Variants in USP32 observed in about 807,000 individuals in gnomAD.
USP32 encodes ubiquitin specific peptidase 32, also known as ubiquitin carboxyl-terminal hydrolase 32.
In USP32, 59 loss-of-function variants were observed where a neutral mutation model predicts 204.8. The ratio of observed to expected loss-of-function variants is 0.29; its 90% CI spans 0.23 to 0.36. USP32 has a LOEUF of 0.36. Ranked by LOEUF, USP32 falls within the 10% of genes least tolerant of loss-of-function variation. The probability of loss-of-function intolerance (pLI) is 1.00; values close to 1 mark genes in which losing one functional copy is unlikely to be tolerated. For synonymous variants in USP32, 517 were observed against 678.4 expected (o/e 0.76, Z 3.70); for missense variants, 1,160 against 1,946.4 (o/e 0.60, Z 7.60).
At chr17:60,217,782 G>A (rs914066862) in intron 16 of USP32, among the ~76,000 whole-genome samples, 1 of 151,752 alleles carries the variant, frequency 6.6e-6, no homozygotes, top group Non-Finnish European at 1.5e-5. Flanking sequence ...CTGTTACCCA[G>A]GCTGGAGTAT....
chr17:60,323,211 T>A (rs2088154048), intron 2 of USP32, among the ~76,000 whole-genome samples: 1 of 152,128 alleles, frequency 6.6e-6, no homozygotes, highest in South Asian at 2.1e-4. Context: ...GCAGCATTAT[T>A]TATAATAACA....
intron 10 of USP32, among the ~76,000 whole-genome samples, chr17:60,254,835 T>A (rs2086253929): frequency 6.6e-6 from 1 of 152,210 alleles, no homozygotes; most frequent in South Asian, 2.1e-4. Context: ...TTTAAAAAAA[T>A]TCTCTTGGTC....
At chr17:60,416,343 T>A (rs1164606608) in intron 1 of USP32, among the ~76,000 whole-genome samples, 1 of 152,172 alleles carries the variant, frequency 6.6e-6, no homozygotes, top group Non-Finnish European at 1.5e-5. Flanking sequence ...TTCCATCACA[T>A]ATACTAGGGG....
chr17:60,201,727 C>T (rs528691751), intron 26 of USP32, among the ~76,000 whole-genome samples: 6 of 150,802 alleles, frequency 4.0e-5, no homozygotes, highest in Admixed American at 1.3e-4. Context: ...GGCATGATCT[C>T]GGCCCATTGC....
chr17:60,208,928 A>T (rs2084896631), intron 22 of USP32, 100 bp from the exon 23 acceptor site: 1 of 1,263,266 alleles, frequency 7.9e-7, no homozygotes, highest in Non-Finnish European at 1.1e-6. Flanking sequence ...ATTTAAATGT[A>T]AAGAATATAA....
upstream of USP32, chr17:60,392,539 G>C: frequency 2.5e-6 from 1 of 392,210 alleles, no homozygotes; most frequent in Non-Finnish European, 5.2e-6. Flanking sequence ...CCGAGCAGCT[G>C]ACGGTTAGTG....
rs2084161574 is a variant in USP32 at position 60,183,256 on chromosome 17, T to C, written c.4032A>G (p.Lys1344=). The C allele has an allele frequency of 5.0e-6, 8 of 1,613,882 alleles. No individual in the cohort carries two copies. The highest frequency in any genetic ancestry group is 5.9e-6 in the Non-Finnish European group (7 of 1,179,874). The change falls in exon 31 of 34, where the codon AAA becomes AAG. Residue 1344 remains lysine, a synonymous_variant. Coordinates refer to ENST00000300896, the MANE Select transcript of USP32 (RefSeq NM_032582.4). The part of the protein sequence containing the change: ...EPRILAREVK[K]VDAQSSAGEE... ...CCCCAGCCGAACTCTGCGCATCCAC[T>C]TTCTTCACCTCCCTTGCCAGAATCC...
intron 11 of USP32, among the ~76,000 whole-genome samples, chr17:60,238,771 T>C (rs1449153975): frequency 1.4e-5 from 2 of 139,970 alleles, no homozygotes; most frequent in Admixed American, 7.5e-5. Context: ...GCCATTGCAC[T>C]CCAGCCTGGG....
chr17:60,280,814 T>C (rs1326699757), intron 5 of USP32, among the ~76,000 whole-genome samples: 1 of 152,256 alleles, frequency 6.6e-6, no homozygotes, highest in African/African-American at 2.4e-5. Flanking sequence ...CAATAGTGAA[T>C]TGTTTAGCCA....
At chr17:60,216,079 GAAA>G (rs1264143453) in intron 16 of USP32, among the ~76,000 whole-genome samples, 1 of 143,902 alleles carries the variant, frequency 6.9e-6, no homozygotes, top group Admixed American at 6.9e-5. Context: ...GCCCAATAAG[GAAA>G]AAAAAAAAAT....
chr17:60,384,390 C>T (rs2089694383), intron 1 of USP32, among the ~76,000 whole-genome samples: 1 of 152,198 alleles, frequency 6.6e-6, no homozygotes, highest in African/African-American at 2.4e-5. Context: ...CCCACTTTAG[C>T]ATAGTTTTGC....
Position 60,258,157 on chromosome 17 carries a change from CCATGAAATGATGCAAATGAAAAA to C in USP32, c.991-2922_991-2900del, listed in dbSNP as rs1158712930. The C allele has an allele frequency of 7.5e-3, 1,172 of 156,408 alleles. 10 individuals carry two copies. The highest frequency in any genetic ancestry group is 0.022 in the African/African-American group (929 of 41,372). The allele number at this position is 156,408 out of a possible 1,614,324, so 9.7% of individuals were successfully genotyped here. The stretch of plus-strand genomic sequence containing the variant: ...ACTCTGAAGTTGAGCTCCAACGGTG[CCATGAAATGATGCAAATGAAAAA>C]CATGAAATGATGCAAATGAAAAACA... On this transcript the variant is annotated intron_variant, in intron 9 of 33. Transcript: ENST00000300896.
chr17:60,318,248 TATAAAG>T (rs2088030625), intron 2 of USP32, among the ~76,000 whole-genome samples: 1 of 152,182 alleles, frequency 6.6e-6, no homozygotes, highest in African/African-American at 2.4e-5. Context: ...ACTCAGCATA[TATAAAG>T]ATATAGAAGA....
In USP32 at chr17:60,377,868, C is replaced by T. The variant is rs1437843577; in HGVS notation, c.58+14014G>A. Among the ~76,000 whole-genome samples, 4 of 152,084 alleles carry T rather than the reference C, an allele frequency of 2.6e-5. No individual in the cohort carries two copies. The East Asian group carries it at 7.7e-4, about 29-fold the overall frequency. ...CTCTATCAGAATTTCATGGTTATAC[C>T]CTTTGCACAATCTGTAACATTGTTT... On this transcript the variant is annotated intron_variant, in intron 1 of 33. Transcript: ENST00000300896.
intron 1 of USP32, among the ~76,000 whole-genome samples, chr17:60,383,727 G>C (rs1420414331): frequency 6.6e-6 from 1 of 152,246 alleles, no homozygotes; most frequent in South Asian, 2.1e-4. Flanking sequence ...CTGCAAGCCA[G>C]AATAGGTTCC....
rs2086581122 is a variant in USP32 at position 60,265,981 on chromosome 17, T to C, written c.922A>G (p.Ile308Val). The C allele has an allele frequency of 6.2e-7, 1 of 1,612,542 alleles. No homozygotes were observed. Among genetic ancestry groups the C allele is most frequent in the Non-Finnish European group, 8.5e-7 (1 of 1,178,802 alleles). Residue 308 changes from isoleucine to valine, a missense_variant, in exon 8 of 34, where the codon ATT (isoleucine) becomes GTT (valine). Physicochemically the swap from Ile to Val is conservative, Grantham distance 29. This residue lies in a region of USP32 where 536 missense variants were observed against 680.9 expected (regional missense o/e 0.79). Coordinates refer to ENST00000300896, the MANE Select transcript of USP32 (RefSeq NM_032582.4). The part of the protein sequence containing the change: ...EVWKDNRTDD[I>V]PELHMDLSDI... ...CATACACAATCATAACTTACAGGAATATCATCAGTGCGGTTGTCCTTCCAG... is the reference window on the plus strand; with the variant it reads ...CATACACAATCATAACTTACAGGAACATCATCAGTGCGGTTGTCCTTCCAG...
At chr17:60,213,337 T>C (rs2085020147) in intron 18 of USP32, among the ~76,000 whole-genome samples, 1 of 152,256 alleles carries the variant, frequency 6.6e-6, no homozygotes, top group Admixed American at 6.5e-5. Flanking sequence ...ACCATTCCCA[T>C]TCTTTGTCAG....
intron 27 of USP32, among the ~76,000 whole-genome samples, 196 bp from the exon 28 acceptor site, chr17:60,193,126 A>G (rs2084428279): frequency 1.3e-5 from 2 of 152,212 alleles, no homozygotes; most frequent in East Asian, 1.9e-4. Flanking sequence ...CCCATCCTCT[A>G]TCTGGGCTTA....
At chr17:60,211,289 C>T in intron 20 of USP32, 87 bp downstream of exon 20, 1 of 1,536,066 alleles carries the variant, frequency 6.5e-7, no homozygotes, top group Non-Finnish European at 8.7e-7. Flanking sequence ...ATCTTTCTCC[C>T]ACAGGGTGAA....
Sources: allele counts gnomAD v4.1 joint callset (sites outside exome capture counted in the v4.1 genomes callset), GRCh38; gene constraint gnomAD v4.1.1; regional missense constraint gnomAD v4.1.1; transcripts MANE v1.5; gene names NCBI Gene and HGNC (gene_info 2026-07-23, HGNC 2026-07-21).